Variants in ACSM3 observed in about 807,000 individuals in gnomAD.
ACSM3 encodes the protein acyl-coenzyme A synthetase ACSM3, mitochondrial.
ACSM3 carries 61 observed loss-of-function variants against 74.1 expected under a neutral mutation model. The observed-to-expected ratio is 0.82, with a 90% confidence interval of 0.67 to 1.02. The LOEUF (loss-of-function observed/expected upper bound fraction) is 1.02. ACSM3 is among the 50% of genes least tolerant of loss of function. The pLI, the probability that ACSM3 is intolerant of heterozygous loss-of-function variation, is 0.00. For missense variants in ACSM3, 660 were observed against 697.0 expected, an observed-to-expected ratio of 0.95 and a Z score of 0.60; for synonymous variants, 213 against 241.5, an observed-to-expected ratio of 0.88 and a Z score of 1.09.
chr16:20,741,458 C>T lies in ACSM3; in HGVS notation c.-189-8452C>T, dbSNP rs992932064. On this transcript the variant is annotated intron_variant, in intron 1 of 3. Coordinates refer to the ACSM3 transcript ENST00000561584. The stretch of plus-strand genomic sequence containing the variant: ...AGCAGCCATCCCTCCACCCTTCCCT[C>T]CTCCCGCAAGGCCTGGCAGCCGGCC... The T allele has an allele frequency of 2.7e-6, 4 of 1,474,448 alleles. No individual in the cohort carries two copies. In the African/African-American group the frequency reaches 5.7e-5, roughly 21 times the overall value. The allele number at this position is 1,474,448 out of a possible 1,614,324, so 91.3% of individuals were successfully genotyped here.
intron 1 of ACSM3, chr16:20,727,451 T>G (rs1266035917): frequency 2.0e-6 from 1 of 495,046 alleles, no homozygotes; most frequent in Non-Finnish European, 4.0e-6. Flanking sequence ...ATGAGAGCTA[T>G]GGACAGACGG....
chr16:20,788,032 A>C (rs2080511876), intron 9 of ACSM3, among the ~76,000 whole-genome samples: 1 of 152,244 alleles, frequency 6.6e-6, no homozygotes, highest in Non-Finnish European at 1.5e-5. Flanking sequence ...CAGAATGCTT[A>C]GTACATAATA....
chr16:20,710,015 C>T (rs1290786211), intron 1 of ACSM3, among the ~76,000 whole-genome samples: 2 of 152,210 alleles, frequency 1.3e-5, no homozygotes, highest in African/African-American at 4.8e-5. Flanking sequence ...ATATACACTC[C>T]ACTTTATTCC....
chr16:20,714,564 G>A (rs550954299), intron 1 of ACSM3, among the ~76,000 whole-genome samples: 7 of 152,278 alleles, frequency 4.6e-5, no homozygotes, highest in African/African-American at 1.7e-4. Context: ...TGAATAGGAT[G>A]GAGGGAAAGC....
At chr16:20,732,322 T>G (rs540451969) in intron 1 of ACSM3, among the ~76,000 whole-genome samples, 436 of 152,216 alleles carry the variant, frequency 2.9e-3, no homozygotes, top group African/African-American at 9.9e-3. Flanking sequence ...AGTCAAAAGG[T>G]AGTAAATTTC....
chr16:20,744,989 C>G (rs2079951731), intron 1 of ACSM3, among the ~76,000 whole-genome samples: 1 of 152,190 alleles, frequency 6.6e-6, no homozygotes, highest in Non-Finnish European at 1.5e-5. Flanking sequence ...AAATATGCAA[C>G]CCTGTAGCTC....
chr16:20,733,619 G>A (rs2079844441), intron 1 of ACSM3: 1 of 151,838 alleles, frequency 6.6e-6, no homozygotes, highest in East Asian at 1.9e-4. Flanking sequence ...TAAAGCAAGA[G>A]ATTTACTAAG....
intron 1 of ACSM3, chr16:20,681,075 T>C (rs987028575): frequency 6.6e-5 from 10 of 152,136 alleles, no homozygotes; most frequent in African/African-American, 2.2e-4. Flanking sequence ...GAAAGAATAA[T>C]TAAATATTAT....
intron 1 of ACSM3, among the ~76,000 whole-genome samples, chr16:20,676,561 G>A (rs1354768047): frequency 3.3e-5 from 5 of 152,174 alleles, no homozygotes; most frequent in African/African-American, 1.2e-4. Flanking sequence ...ATGCAACTCA[G>A]CTTATTAAAG....
intron 1 of ACSM3, among the ~76,000 whole-genome samples, chr16:20,685,035 A>G (rs533946556): frequency 8.5e-5 from 13 of 152,382 alleles, no homozygotes; most frequent in African/African-American, 2.9e-4. Context: ...TAATTCCCAC[A>G]GGGCAGGAAG....
intron 1 of ACSM3, chr16:20,734,751 C>A (rs1177669367): frequency 1.3e-5 from 2 of 152,162 alleles, no homozygotes; most frequent in African/African-American, 4.8e-5. Context: ...CAGGAAACCC[C>A]TAAACCCCTG....
upstream of ACSM3, among the ~76,000 whole-genome samples, chr16:20,760,526 G>T (rs1461347363): frequency 3.3e-5 from 5 of 152,072 alleles, 1 homozygote; most frequent in East Asian, 9.6e-4. Context: ...TACATCTTGA[G>T]AAAAACATGT....
intron 1 of ACSM3, chr16:20,719,329 G>T: frequency 3.9e-6 from 1 of 258,672 alleles, no homozygotes. Context: ...TGGCTTTATG[G>T]AGCCTGTGTT....
chr16:20,729,969 T>G (rs889299976), intron 1 of ACSM3, among the ~76,000 whole-genome samples: 2 of 152,142 alleles, frequency 1.3e-5, no homozygotes, highest in Non-Finnish European at 2.9e-5. Flanking sequence ...CTTACACAGG[T>G]TAACAATCCT....
chr16:20,676,483 C>T (rs2020285146), intron 1 of ACSM3, among the ~76,000 whole-genome samples: 1 of 152,178 alleles, frequency 6.6e-6, no homozygotes, highest in South Asian at 2.1e-4. Context: ...GTGGACACAG[C>T]ATTTGTAAGG....
chr16:20,754,746 A>C (rs1029486143), intron 2 of ACSM3, among the ~76,000 whole-genome samples: 1 of 152,210 alleles, frequency 6.6e-6, no homozygotes, highest in Non-Finnish European at 1.5e-5. Context: ...TACCATGTGC[A>C]ATTCTCCAGA....
At chr16:20,736,734 CTGCGCAATCAT>C in intron 1 of ACSM3, 1 of 773,238 alleles carries the variant, frequency 1.3e-6, no homozygotes, top group Non-Finnish European at 2.0e-6. Flanking sequence ...GTTAACAGGG[CTGCGCAATCAT>C]TGCTCACTAC....
chr16:20,789,836 G>A (rs571087355), intron 9 of ACSM3, among the ~76,000 whole-genome samples: 1 of 151,864 alleles, frequency 6.6e-6, no homozygotes, highest in Non-Finnish European at 1.5e-5. Context: ...ACCATGCCTG[G>A]CTAATTTTTC....
intron 3 of ACSM3, among the ~76,000 whole-genome samples, chr16:20,755,779 T>TCCCC (rs1168683945): frequency 6.5e-5 from 3 of 46,330 alleles, no homozygotes; most frequent in Non-Finnish European, 8.3e-5. Context: ...ATGCTATCCC[T>TCCCC]CCCCCCCCCC....
Sources: gnomAD v4.1 joint callset for allele counts (sites outside exome capture counted in the v4.1 genomes callset) on GRCh38, gnomAD v4.1.1 for gene constraint, MANE v1.5 for transcripts, NCBI Gene and HGNC (gene_info 2026-07-23, HGNC 2026-07-21) for gene names.